The following SLC35F3 variants were observed in gnomAD, a reference collection of about 807,000 sequenced individuals.
SLC35F3 encodes the protein putative thiamine transporter SLC35F3.
Under a neutral mutation model 49.9 loss-of-function variants are expected in SLC35F3, and 25 were observed. The ratio of observed to expected loss-of-function variants is 0.50; its 90% CI spans 0.37 to 0.70. SLC35F3 has a LOEUF of 0.70. Ranked by LOEUF, SLC35F3 falls within the 30% of genes least tolerant of loss-of-function variation. The pLI, the probability that SLC35F3 is intolerant of heterozygous loss-of-function variation, is 0.00. For missense variants in SLC35F3, 525 were observed against 639.8 expected, an observed-to-expected ratio of 0.82 and a Z score of 1.94; for synonymous variants, 275 against 265.4, an observed-to-expected ratio of 1.04 and a Z score of -0.35.
In SLC35F3 at chr1:234,310,452, A is replaced by G. The variant is rs186770713; in HGVS notation, c.828+1132A>G. The stretch of plus-strand genomic sequence containing the variant: ...ATATTTTTAGCTCGCAGTAGGGGGA[A>G]AATTTGTTTTGAGGCTTAATGTTAA... On this transcript the variant is annotated intron_variant, in intron 4 of 7. Coordinates refer to ENST00000366618, the MANE Select transcript of SLC35F3 (RefSeq NM_173508.4). Among the ~76,000 whole-genome samples the G allele has an allele frequency of 1.3e-4, 20 of 152,322 alleles. No individual in the cohort carries two copies. The East Asian group carries it at 3.9e-3, about 29-fold the overall frequency.
At chr1:233,926,007 T>C (rs1232783760) in intron 2 of SLC35F3, among the ~76,000 whole-genome samples, 2 of 152,206 alleles carry the variant, frequency 1.3e-5, no homozygotes, top group Non-Finnish European at 2.9e-5. Context: ...GAGCCGCTGT[T>C]AGTCTGATAG....
At chr1:233,940,467 T>C (rs1319866210) in intron 2 of SLC35F3, among the ~76,000 whole-genome samples, 1 of 152,126 alleles carries the variant, frequency 6.6e-6, no homozygotes, top group Non-Finnish European at 1.5e-5. Flanking sequence ...CTTTCCTTAG[T>C]AGGTCTCAAT....
At chr1:234,065,347 C>A (rs1664601998) in intron 2 of SLC35F3, among the ~76,000 whole-genome samples, 1 of 152,150 alleles carries the variant, frequency 6.6e-6, no homozygotes, top group Non-Finnish European at 1.5e-5. Context: ...CGCGGTTTCA[C>A]CGTGTTAGCC....
intron 2 of SLC35F3, among the ~76,000 whole-genome samples, chr1:234,167,291 T>C (rs1410571328): frequency 6.6e-6 from 1 of 152,188 alleles, no homozygotes; most frequent in East Asian, 1.9e-4. Context: ...TCTATTGGCA[T>C]TGCTGTTTTT....
chr1:234,085,077 A>G (rs1405850338), intron 2 of SLC35F3, among the ~76,000 whole-genome samples: 1 of 152,234 alleles, frequency 6.6e-6, no homozygotes, highest in African/African-American at 2.4e-5. Context: ...TGAAATGTCT[A>G]AAATAGGCAA....
At chr1:234,053,654 A>G (rs1664411564) in intron 2 of SLC35F3, among the ~76,000 whole-genome samples, 1 of 152,124 alleles carries the variant, frequency 6.6e-6, no homozygotes, top group Non-Finnish European at 1.5e-5. Flanking sequence ...TAAGGTTAAT[A>G]TTGTTATGTG....
chr1:234,232,097 C>T (rs1247998499), intron 3 of SLC35F3, among the ~76,000 whole-genome samples: 1 of 152,158 alleles, frequency 6.6e-6, no homozygotes, highest in Non-Finnish European at 1.5e-5. Flanking sequence ...GACCGCAAGG[C>T]CATGGAGCCA....
chr1:234,124,340 A>G (rs6683325), intron 2 of SLC35F3, among the ~76,000 whole-genome samples: 94,327 of 152,064 alleles, frequency 0.62, 29,931 homozygotes, highest in East Asian at 0.8. Flanking sequence ...CGGTATTCCC[A>G]CTAAGCTTCA....
At chr1:234,200,388 A>G (rs1205834776) in intron 2 of SLC35F3, among the ~76,000 whole-genome samples, 1 of 152,172 alleles carries the variant, frequency 6.6e-6, no homozygotes, top group Non-Finnish European at 1.5e-5. Flanking sequence ...TATTAGATAT[A>G]TAATTTGCAA....
chr1:234,282,916 G>A (rs1668352375), intron 3 of SLC35F3, among the ~76,000 whole-genome samples: 1 of 152,188 alleles, frequency 6.6e-6, no homozygotes, highest in African/African-American at 2.4e-5. Context: ...TGATTGTGAA[G>A]TCTCCCCTTC....
chr1:234,163,852 C>T (rs1048352612), intron 2 of SLC35F3, among the ~76,000 whole-genome samples: 1 of 152,160 alleles, frequency 6.6e-6, no homozygotes, highest in Admixed American at 6.5e-5. Context: ...TTTTGCTGCA[C>T]CTCTCTCTGA....
intron 2 of SLC35F3, among the ~76,000 whole-genome samples, chr1:234,156,211 T>C (rs1003435491): frequency 2.0e-5 from 3 of 152,120 alleles, no homozygotes; most frequent in Non-Finnish European, 2.9e-5. Flanking sequence ...TTTTTCCACA[T>C]TGGATTGGAA....
At chr1:233,919,374 C>A (rs968839510) in intron 2 of SLC35F3, among the ~76,000 whole-genome samples, 1 of 152,196 alleles carries the variant, frequency 6.6e-6, no homozygotes, top group Non-Finnish European at 1.5e-5. Flanking sequence ...CCTCTGGCCA[C>A]ATCACTGTCC....
At chr1:234,183,202 G>C (rs1666587711) in intron 2 of SLC35F3, among the ~76,000 whole-genome samples, 1 of 142,216 alleles carries the variant, frequency 7.0e-6, no homozygotes, top group South Asian at 2.5e-4. Flanking sequence ...TTTTTTTGTA[G>C]AGGCAGGGTT....
At chr1:233,910,832 T>G (rs1219749873) in intron 2 of SLC35F3, among the ~76,000 whole-genome samples, 3 of 152,216 alleles carry the variant, frequency 2.0e-5, no homozygotes, top group Non-Finnish European at 4.4e-5. Flanking sequence ...GAGATTTAAA[T>G]GCTTTTTTCC....
At chr1:234,108,293 A>AT (rs1181709763) in intron 2 of SLC35F3, among the ~76,000 whole-genome samples, 1 of 61,944 alleles carries the variant, frequency 1.6e-5, no homozygotes, top group East Asian at 1.0e-3. Context: ...ATTTATATAT[A>AT]AAGATATATA....
At chr1:233,962,803 T>C (rs1300132941) in intron 2 of SLC35F3, among the ~76,000 whole-genome samples, 1 of 152,256 alleles carries the variant, frequency 6.6e-6, no homozygotes, top group Non-Finnish European at 1.5e-5. Context: ...ACCTCTACAG[T>C]GCATTCCTTT....
At chr1:234,090,315 C>T (rs999011509) in intron 2 of SLC35F3, among the ~76,000 whole-genome samples, 2 of 152,254 alleles carry the variant, frequency 1.3e-5, no homozygotes, top group African/African-American at 4.8e-5. Context: ...TGCACACAGC[C>T]GTGATACTAC....
At chr1:234,273,419 A>G (rs1410100854) in intron 3 of SLC35F3, among the ~76,000 whole-genome samples, 2 of 152,164 alleles carry the variant, frequency 1.3e-5, no homozygotes, top group African/African-American at 4.8e-5. Flanking sequence ...GCCTCCCTAC[A>G]ATTCCAGCAG....
Sources: allele counts gnomAD v4.1 joint callset (sites outside exome capture counted in the v4.1 genomes callset), GRCh38; gene constraint gnomAD v4.1.1; transcripts MANE v1.5; gene names NCBI Gene and HGNC (gene_info 2026-07-23, HGNC 2026-07-21).